SLC29A3: variants seen among roughly 807,000 people sequenced by gnomAD.
The protein encoded by SLC29A3 is solute carrier family 29 member 3.
SLC29A3 carries 18 observed loss-of-function variants against 25.4 expected under a neutral mutation model. The ratio of observed to expected loss-of-function variants is 0.71; its 90% CI spans 0.49 to 1.05. The LOEUF (loss-of-function observed/expected upper bound fraction) is 1.05. Among genes scored for constraint, SLC29A3 ranks in the 50% least tolerant of loss-of-function variants. SLC29A3 has a pLI of 0.00. For synonymous variants in SLC29A3, 258 were observed against 267.1 expected (o/e 0.97, Z 0.33); for missense variants, 586 against 609.0 (o/e 0.96, Z 0.40).
chr10:71,370,657 C>A (rs994286012), intron 3 of SLC29A3, among the ~76,000 whole-genome samples: 1 of 152,156 alleles, frequency 6.6e-6, no homozygotes, highest in Non-Finnish European at 1.5e-5. Context: ...ACCTCAGCCT[C>A]CCAAGTAGCT....
chr10:71,335,414 C>T (rs80061350), intron 2 of SLC29A3, among the ~76,000 whole-genome samples: 12,872 of 152,242 alleles, frequency 0.085, 702 homozygotes, highest in East Asian at 0.18. Flanking sequence ...CAGGAGGGGC[C>T]TGGAAGCGAG....
chr10:71,357,152 C>T (rs1240006982), intron 5 of SLC29A3, among the ~76,000 whole-genome samples: 6 of 152,070 alleles, frequency 3.9e-5, no homozygotes, highest in Non-Finnish European at 7.3e-5. Flanking sequence ...CGGTGGCTCA[C>T]GCCTGTAATC....
exon 5 of SLC29A3, chr10:71,381,106 A>G (rs1847300191): frequency 1.3e-5 from 2 of 152,252 alleles, no homozygotes; most frequent in Admixed American, 6.5e-5. Flanking sequence ...GGGCTCTTGT[A>G]TAAAACATAA....
intron 2 of SLC29A3, among the ~76,000 whole-genome samples, chr10:71,342,736 G>A (rs1704228165): frequency 6.6e-6 from 1 of 152,234 alleles, no homozygotes; most frequent in African/African-American, 2.4e-5. Flanking sequence ...AATTGACTGA[G>A]TGCCCCCGAC....
chr10:71,343,528 G>A (rs546931894), intron 2 of SLC29A3, among the ~76,000 whole-genome samples: 133 of 152,298 alleles, frequency 8.7e-4, no homozygotes, highest in African/African-American at 3.1e-3. Context: ...AAATGGCTTT[G>A]ACCTTCTGTA....
At chr10:71,358,249 G>A (rs1223766055) in intron 5 of SLC29A3, among the ~76,000 whole-genome samples, 2 of 152,172 alleles carry the variant, frequency 1.3e-5, no homozygotes, top group African/African-American at 2.4e-5. Flanking sequence ...CTGTCCTCAT[G>A]AGGAGAGTCA....
intron 2 of SLC29A3, among the ~76,000 whole-genome samples, chr10:71,327,715 A>C (rs1209772873): frequency 2.1e-5 from 2 of 93,316 alleles, no homozygotes; most frequent in African/African-American, 8.6e-5. Context: ...CCCACCCCCC[A>C]CCCCCACACT....
rs547899813 is a variant in SLC29A3 at position 71,344,146 on chromosome 10, G to C, written c.301-63G>C. ...ACAGAGAGGGGCCCTGTCTCTGCTC[G>C]CGTGGAACTGCTCACCTCCATCCCT... On this transcript the variant is annotated intron_variant, in intron 2 of 5. Coordinates refer to ENST00000373189, the MANE Select transcript of SLC29A3 (RefSeq NM_018344.6). 6.7e-5 allele frequency: 87 copies of C among 1,295,736 alleles called. 1 individual carries two copies. In the South Asian group the frequency reaches 9.7e-4, roughly 14 times the overall value. The allele number at this position is 1,295,736 out of a possible 1,614,324, so 80.3% of individuals were successfully genotyped here. A position where few individuals can be genotyped will look rare whatever the true frequency, so the allele number is the denominator to read the frequency against.
rs550407600 is a variant in SLC29A3 at position 71,375,771 on chromosome 10, G to A, written c.*171G>A. ...GCTGACATTTAGGAAGAACACAGACGGCTGTCTCCCCTGAAAGCCAAACAG... is the reference window on the plus strand; with the variant it reads ...GCTGACATTTAGGAAGAACACAGACAGCTGTCTCCCCTGAAAGCCAAACAG... On this transcript the variant is annotated 3_prime_UTR_variant and NMD_transcript_variant, in exon 4 of 5. Transcript: ENST00000642772. The A allele has an allele frequency of 8.3e-4, 126 of 152,254 alleles. 1 individual carries two copies. Among genetic ancestry groups the A allele is most frequent in the African/African-American group, 2.9e-3 (121 of 41,524 alleles). The allele number at this position is 152,254 out of a possible 1,614,324, so 9.4% of individuals were successfully genotyped here. A position where few individuals can be genotyped will look rare whatever the true frequency, so the allele number is the denominator to read the frequency against.
chr10:71,363,188 G>C lies in SLC29A3; in HGVS notation c.*580G>C, dbSNP rs769969465. ...AAACCCAGAAAGATGGGCCTTCCAT[G>C]AATGCTTCATTCCAGAGGGACCAGA... On this transcript the variant is annotated 3_prime_UTR_variant, in exon 6 of 6. Coordinates refer to ENST00000373189, the MANE Select transcript of SLC29A3 (RefSeq NM_018344.6). 8.9e-6 allele frequency: 4 copies of C among 448,668 alleles called. No individual in the cohort carries two copies. Among genetic ancestry groups the C allele is most frequent in the South Asian group, 6.3e-5 (4 of 63,762 alleles). The allele number at this position is 448,668 out of a possible 1,614,324, so 27.8% of individuals were successfully genotyped here. A position where few individuals can be genotyped will look rare whatever the true frequency, so the allele number is the denominator to read the frequency against.
At chr10:71,345,551 A>G (rs867032132) in intron 3 of SLC29A3, among the ~76,000 whole-genome samples, 6 of 152,172 alleles carry the variant, frequency 3.9e-5, no homozygotes, top group Admixed American at 6.5e-5. Context: ...GGGGACATAG[A>G]TCCCACCTCC....
chr10:71,323,202 A>C, intron 2 of SLC29A3, 148 bp downstream of exon 2: 1 of 1,093,512 alleles, frequency 9.1e-7, no homozygotes, highest in East Asian at 2.6e-5. Context: ...TTATGGTTCC[A>C]TGTGGTGTGT....
At chr10:71,369,228 T>A (rs1229660624) in intron 3 of SLC29A3, among the ~76,000 whole-genome samples, 1 of 152,214 alleles carries the variant, frequency 6.6e-6, no homozygotes, top group East Asian at 1.9e-4. Flanking sequence ...CTGTGAGGAA[T>A]AAATTTCTAT....
intron 2 of SLC29A3, among the ~76,000 whole-genome samples, chr10:71,332,929 C>T (rs1846153931): frequency 6.6e-6 from 1 of 152,240 alleles, no homozygotes; most frequent in Non-Finnish European, 1.5e-5. Flanking sequence ...TAAGTGCTCA[C>T]GACCCTTCTT....
Position 71,362,138 on chromosome 10 carries a change from A to T in SLC29A3, c.958A>T (p.Ser320Cys), listed in dbSNP as rs1202254323. The T allele has an allele frequency of 1.9e-6, 3 of 1,613,714 alleles. No individual in the cohort carries two copies. Among genetic ancestry groups the T allele is most frequent in the East Asian group, 2.2e-5 (1 of 44,880 alleles). Residue 320 changes from serine (S) to cysteine (C), a missense_variant, in exon 6 of 6, where the codon AGC becomes TGC. Coordinates refer to ENST00000373189, the MANE Select transcript of SLC29A3 (RefSeq NM_018344.6). ...TGTCACCTACGTCTTCTTCATCACCAGCCTCATCTACCCCGCCATCTGCAC... is the reference window on the plus strand; with the variant it reads ...TGTCACCTACGTCTTCTTCATCACCTGCCTCATCTACCCCGCCATCTGCAC... ...FCVTYVFFIT[S>C]LIYPAICTNI... is the part of the protein sequence containing the mutation.
At chr10:71,365,712 G>A (rs373740218), downstream of SLC29A3, 4 of 152,134 alleles carry the variant, frequency 2.6e-5, no homozygotes, top group East Asian at 5.8e-4. Context: ...GGTGGATGGG[G>A]GAGTTCAGAC....
chr10:71,357,426 G>A (rs1365860711), intron 5 of SLC29A3, among the ~76,000 whole-genome samples: 6 of 151,590 alleles, frequency 4.0e-5, no homozygotes, highest in Non-Finnish European at 7.4e-5. Context: ...AAAAAAAAAA[G>A]CTTGTATAGA....
chr10:71,355,992 T>C, intron 4 of SLC29A3, 89 bp from the exon 5 acceptor site: 1 of 1,485,316 alleles, frequency 6.7e-7, no homozygotes, highest in South Asian at 1.1e-5. Flanking sequence ...ATTTTTATTT[T>C]GGTTTGTGAA....
chr10:71,366,532 C>A (rs962043407), downstream of SLC29A3, among the ~76,000 whole-genome samples: 1 of 152,176 alleles, frequency 6.6e-6, no homozygotes, highest in African/African-American at 2.4e-5. Flanking sequence ...ACTCTTCAAC[C>A]AGTGGGTGAC....
Sources: gnomAD v4.1 joint callset for allele counts (sites outside exome capture counted in the v4.1 genomes callset) on GRCh38, gnomAD v4.1.1 for gene constraint, MANE v1.5 for transcripts, NCBI Gene and HGNC (gene_info 2026-07-23, HGNC 2026-07-21) for gene names.